The following KIF1A variants were observed in gnomAD, a reference collection of about 807,000 sequenced individuals.
The protein encoded by KIF1A is kinesin family member 1A, also known as kinesin-like protein KIF1A.
A neutral mutation model predicts 227.3 loss-of-function variants in KIF1A; 46 were observed. The observed-to-expected ratio is 0.20, with a 90% confidence interval of 0.16 to 0.26. The LOEUF is 0.26. Ranked by LOEUF, KIF1A falls within the 10% of genes least tolerant of loss-of-function variation. The probability of loss-of-function intolerance (pLI) is 1.00; values close to 1 mark genes in which losing one functional copy is unlikely to be tolerated. For missense variants in KIF1A, 1,683 were observed against 2,485.9 expected, an observed-to-expected ratio of 0.68 and a Z score of 6.87; for synonymous variants, 1,022 against 1,012.8, an observed-to-expected ratio of 1.01 and a Z score of -0.17.
rs1404387437 is a variant in KIF1A at position 240,757,264 on chromosome 2, C to G, written c.2858+55G>C. On this transcript the variant is annotated intron_variant, in intron 27 of 48. Transcript: ENST00000498729. This position sits in a 1 kb window ranked among gnomAD's most constrained non-coding sequence, Gnocchi z 6.2. ...CGGTTCCTCTGTGCCCGCAGCAGTG[C>G]TCCTGTGCAAAAGAGCTGGGTCCTC... is the stretch of plus-strand genomic sequence containing the variant. The G allele has an allele frequency of 1.1e-5, 17 of 1,497,612 alleles. No homozygotes were observed. Among genetic ancestry groups the G allele is most frequent in the Non-Finnish European group, 1.5e-5 (16 of 1,102,704 alleles). The allele number at this position is 1,497,612 out of a possible 1,614,324, so 92.8% of individuals were successfully genotyped here. A position where few individuals can be genotyped will look rare whatever the true frequency, so the allele number is the denominator to read the frequency against.
chr2:240,762,230 C>T (rs887414041), intron 23 of KIF1A, among the ~76,000 whole-genome samples: 3 of 152,376 alleles, frequency 2.0e-5, no homozygotes, highest in African/African-American at 4.8e-5. Flanking sequence ...CACCTCTGCC[C>T]ACAGCTGCGG....
chr2:240,771,950 C>T (rs531242043), intron 14 of KIF1A, among the ~76,000 whole-genome samples: 2 of 152,190 alleles, frequency 1.3e-5, no homozygotes, highest in Non-Finnish European at 1.5e-5. Context: ...CGGGACCACA[C>T]GGGGTGTGGG....
At chr2:240,718,288 G>T in intron 47 of KIF1A, 120 bp from the exon 48 acceptor site, 1 of 741,368 alleles carries the variant, frequency 1.3e-6, no homozygotes, top group Non-Finnish European at 2.4e-6. Flanking sequence ...CCAGGGAGGG[G>T]ACACGGAGGG....
At position 240,716,233 on chromosome 2, in the gene KIF1A, C is replaced by G. The variant is rs1263567585; in HGVS notation, c.*1131G>C. The G allele has an allele frequency of 1.3e-5, 2 of 152,286 alleles. No homozygotes were observed. Among genetic ancestry groups the G allele is most frequent in the Non-Finnish European group, 1.5e-5 (1 of 68,020 alleles). The allele number at this position is 152,286 out of a possible 1,614,324, so 9.4% of individuals were successfully genotyped here. ...TTTCTCAGTGGGACTCACAGAAACT[C>G]TCTGCCCTGGGAACAAAGAGAGGAA... On this transcript the variant is annotated 3_prime_UTR_variant, in exon 49 of 49. Transcript: ENST00000498729.
chr2:240,764,014 C>T (rs374988360), intron 20 of KIF1A, among the ~76,000 whole-genome samples: 221 of 152,298 alleles, frequency 1.5e-3, no homozygotes, highest in African/African-American at 4.8e-3. Flanking sequence ...GCAGGGCCCT[C>T]CAGGGCAGCA....
At chr2:240,722,428 G>T (rs779378849) in intron 43 of KIF1A, 28 bp downstream of exon 43, 1 of 1,542,444 alleles carries the variant, frequency 6.5e-7, no homozygotes, top group East Asian at 2.4e-5. Context: ...CTGGGGCTAC[G>T]GCTGTACTGC....
In KIF1A at chr2:240,717,162, A is replaced by G; in HGVS notation, c.*202T>C. 1 of 515,856 alleles carries G rather than the reference A, an allele frequency of 1.9e-6. No homozygotes were observed. Among genetic ancestry groups the G allele is most frequent in the Non-Finnish European group, 3.4e-6 (1 of 290,418 alleles). 32.0% of individuals were successfully genotyped at this position (515,856 alleles called of 1,614,324 possible). A position where few individuals can be genotyped will look rare whatever the true frequency, so the allele number is the denominator to read the frequency against. On this transcript the variant is annotated 3_prime_UTR_variant, in exon 49 of 49. Transcript: ENST00000498729. ...GTTCCACCAGAGCACATTCTGCAAG[A>G]AGAACTGACACGCACAGCCTCTGCT...
At chr2:240,738,277 G>T (rs1221652769) in intron 37 of KIF1A, among the ~76,000 whole-genome samples, 2 of 152,352 alleles carry the variant, frequency 1.3e-5, no homozygotes, top group East Asian at 3.9e-4. Flanking sequence ...AGTGCCAGGG[G>T]TTGGGCTGGG....
At chr2:240,798,235 T>C (rs1050653723) in intron 1 of KIF1A, among the ~76,000 whole-genome samples, 65 of 152,194 alleles carry the variant, frequency 4.3e-4, no homozygotes, top group Non-Finnish European at 2.9e-5. Context: ...AACAGAACAG[T>C]GTTCTAGAAT....
chr2:240,737,752 G>T (rs921722341), intron 37 of KIF1A, among the ~76,000 whole-genome samples: 4 of 152,208 alleles, frequency 2.6e-5, no homozygotes, highest in Admixed American at 2.0e-4. Flanking sequence ...TTATCAGGCA[G>T]GAAAACTGTC....
rs374041397 is a variant in KIF1A at position 240,786,773 on chromosome 2, T to C, written c.430-260A>G. ...CTGAGTGAGAGGGTAGGGGCCACCA[T>C]CAGGACCCCTGAGTGAGGGGGTGGG... On this transcript the variant is annotated intron_variant, in intron 5 of 48. Coordinates refer to ENST00000498729, the MANE Select transcript of KIF1A (RefSeq NM_001244008.2). Among the ~76,000 whole-genome samples, 232 of 58,056 alleles carry C rather than the reference T, an allele frequency of 4.0e-3. 7 individuals are homozygous for C. The highest frequency in any genetic ancestry group is 0.025 in the Middle Eastern group (3 of 118). 38.1% of individuals were successfully genotyped at this position (58,056 alleles called of 152,430 possible). A position where few individuals can be genotyped will look rare whatever the true frequency, so the allele number is the denominator to read the frequency against.
rs1478589275 is a variant in KIF1A at position 240,726,573 on chromosome 2, T to TC, written c.4122+252dup. Among the ~76,000 whole-genome samples, 1 of 152,018 alleles carries TC rather than the reference T, an allele frequency of 6.6e-6. No individual in the cohort carries two copies. The highest frequency in any genetic ancestry group is 2.4e-5 in the African/African-American group (1 of 41,382). Reference sequence around the variant, plus strand: ...TTGCAGTGAGACTGCGCCATTGCACTCCAGCCTGGGCGACAAGAGTGAGAC... The same window carrying TC: ...TTGCAGTGAGACTGCGCCATTGCACTCCCAGCCTGGGCGACAAGAGTGAGAC... On this transcript the variant is annotated intron_variant, in intron 39 of 48. Transcript: ENST00000498729. The surrounding 1 kb of genome is among the most constrained non-coding windows in gnomAD (Gnocchi z 5.2).
In KIF1A at chr2:240,773,156, G is replaced by A. The variant is rs545501989; in HGVS notation, c.1138C>T (p.Arg380Trp). ...RELKDEVTRL[R>W]DLLYAQGLGD... The stretch of plus-strand genomic sequence containing the variant: ...AGACCCTGGGCGTACAGAAGGTCCC[G>A]CAGCCGGGTCACCTCATCCTTCAGC... The change falls in exon 13 of 49, where the codon CGG becomes TGG. Residue 380 changes from arginine (R) to tryptophan (W), a missense_variant. Transcript: ENST00000498729. The A allele has an allele frequency of 3.7e-6, 6 of 1,613,774 alleles. No individual in the cohort carries two copies. The highest frequency in any genetic ancestry group is 2.2e-5 in the East Asian group (1 of 44,896).
chr2:240,802,829 T>C (rs867460193), intron 1 of KIF1A, among the ~76,000 whole-genome samples: 32 of 152,104 alleles, frequency 2.1e-4, no homozygotes, highest in African/African-American at 7.5e-4. Context: ...GGGGTTTCAC[T>C]ATGTTAGCCA....
In KIF1A at chr2:240,737,515, T is replaced by G. The variant is rs79853442; in HGVS notation, c.3902-347A>C. ...GACACAGAGGAGGAATGTTCCTGCTTCTTCTTACACCAAAAAGTCATGATA... is the reference window on the plus strand; with the variant it reads ...GACACAGAGGAGGAATGTTCCTGCTGCTTCTTACACCAAAAAGTCATGATA... On this transcript the variant is annotated intron_variant, in intron 37 of 48. Transcript: ENST00000498729. The G allele has an allele frequency of 4.7e-3, 723 of 153,162 alleles. 3 individuals are homozygous for G. Among genetic ancestry groups the G allele is most frequent in the Non-Finnish European group, 7.9e-3 (554 of 69,870 alleles). 9.5% of individuals were successfully genotyped at this position (153,162 alleles called of 1,614,324 possible).
At chr2:240,742,159 G>T (rs957493874) in intron 34 of KIF1A, among the ~76,000 whole-genome samples, 3 of 152,190 alleles carry the variant, frequency 2.0e-5, no homozygotes, top group Non-Finnish European at 4.4e-5. Flanking sequence ...ATCTTACAGG[G>T]GTTCCGAGGA....
intron 28 of KIF1A, among the ~76,000 whole-genome samples, chr2:240,748,111 C>A (rs999303869): frequency 1.3e-5 from 2 of 152,240 alleles, no homozygotes; most frequent in Non-Finnish European, 2.9e-5. Flanking sequence ...GGAGGCCTGG[C>A]GACGCAGCCC....
At chr2:240,723,318 T>G in intron 42 of KIF1A, 95 bp downstream of exon 42, 3 of 1,249,580 alleles carry the variant, frequency 2.4e-6, no homozygotes, top group Middle Eastern at 2.1e-4. Flanking sequence ...TGCCCCCCAG[T>G]AGGCACCAGG....
Position 240,794,652 on chromosome 2 carries a change from C to T in KIF1A, c.106+2995G>A, listed in dbSNP as rs567056676. Among the ~76,000 whole-genome samples the T allele has an allele frequency of 8.5e-5, 13 of 152,370 alleles. No individual in the cohort carries two copies. In the East Asian group the frequency reaches 1.3e-3, roughly 16 times the overall value. On this transcript the variant is annotated intron_variant, in intron 2 of 48. Coordinates refer to ENST00000498729, the MANE Select transcript of KIF1A (RefSeq NM_001244008.2). ...ACAGCACCAAGGTGAACGTTTCAAA[C>T]GCACACCTTTGACCACTTGCTGGAT...
Sources: allele counts gnomAD v4.1 joint callset (sites outside exome capture counted in the v4.1 genomes callset), GRCh38; gene constraint gnomAD v4.1.1; non-coding constraint Gnocchi (gnomAD v3.1); transcripts MANE v1.5; gene names NCBI Gene and HGNC (gene_info 2026-07-23, HGNC 2026-07-21).